The following PIP5K1C variants were observed in gnomAD, a reference collection of about 807,000 sequenced individuals.
PIP5K1C encodes the protein phosphatidylinositol 4-phosphate 5-kinase type-1 gamma.
PIP5K1C carries 45 observed loss-of-function variants against 80.1 expected under a neutral mutation model. The ratio of observed to expected loss-of-function variants is 0.56; its 90% CI spans 0.44 to 0.72. The LOEUF is 0.72. PIP5K1C is among the 30% of genes least tolerant of loss of function. PIP5K1C has a pLI of 0.00. For missense variants in PIP5K1C, 753 were observed against 954.6 expected (o/e 0.79, Z 2.78); for synonymous variants, 498 against 420.1 (o/e 1.19, Z -2.27).
At chr19:3,671,835 A>AG (rs879407966) in intron 1 of PIP5K1C, among the ~76,000 whole-genome samples, 5 of 152,204 alleles carry the variant, frequency 3.3e-5, no homozygotes, top group Non-Finnish European at 7.4e-5. Flanking sequence ...TGACCCCCAT[A>AG]GGGGGCTGTC....
rs754268073 is a variant in PIP5K1C at position 3,643,260 on chromosome 19, C to T, written c.1632G>A (p.Ser544=). ...TCGCCCACCTGTACCGCGGCTGCTC[C>T]GACGTCTCCGAGGGGGACCGCTCAG... ...SIPERSPSET[S]EQPRYRRRTQ... Residue 544 remains serine, a synonymous_variant, in exon 13 of 18, where the codon TCG becomes TCA. Coordinates refer to ENST00000335312, the MANE Select transcript of PIP5K1C (RefSeq NM_012398.3). 1.6e-5 allele frequency: 26 copies of T among 1,613,630 alleles called. No homozygotes were observed. Among genetic ancestry groups the T allele is most frequent in the East Asian group, 2.2e-5 (1 of 44,896 alleles).
intron 3 of PIP5K1C, among the ~76,000 whole-genome samples, chr19:3,662,529 C>T (rs1174725782): frequency 6.6e-6 from 1 of 152,128 alleles, no homozygotes; most frequent in Admixed American, 6.5e-5. Flanking sequence ...ATGGTTCTGG[C>T]CCTCTTGCGG....
At chr19:3,664,182 G>A (rs1002049422) in intron 3 of PIP5K1C, among the ~76,000 whole-genome samples, 3 of 152,220 alleles carry the variant, frequency 2.0e-5, no homozygotes, top group South Asian at 2.1e-4. Flanking sequence ...ATCCACAGAC[G>A]CAGGAAAGGG....
intron 9 of PIP5K1C, 28 bp from the exon 10 acceptor site, chr19:3,647,414 C>A: frequency 6.4e-7 from 1 of 1,565,102 alleles, no homozygotes; most frequent in Non-Finnish European, 8.7e-7. Flanking sequence ...GGAGTGGCAG[C>A]TGACATCAGC....
intron 5 of PIP5K1C, 28 bp from the exon 6 acceptor site, chr19:3,656,585 G>A: frequency 1.2e-6 from 2 of 1,612,076 alleles, no homozygotes; most frequent in African/African-American, 2.7e-5. Flanking sequence ...GGGTCAGCGG[G>A]CCCCAAGCTG....
chr19:3,686,143 G>A (rs758878743), intron 1 of PIP5K1C, among the ~76,000 whole-genome samples: 1 of 152,166 alleles, frequency 6.6e-6, no homozygotes. Flanking sequence ...GTGAGCCACC[G>A]TACTTAGACT....
intron 6 of PIP5K1C, among the ~76,000 whole-genome samples, chr19:3,655,895 T>G (rs1361695839): frequency 6.6e-6 from 1 of 152,212 alleles, no homozygotes; most frequent in Non-Finnish European, 1.5e-5. Context: ...TCCCGGGGCC[T>G]GACGCACCCT....
chr19:3,669,409 G>T (rs566760191), intron 1 of PIP5K1C, among the ~76,000 whole-genome samples: 2 of 152,240 alleles, frequency 1.3e-5, no homozygotes, highest in African/African-American at 2.4e-5. Flanking sequence ...TCAGGGAGGT[G>T]CAGACAGGTG....
intron 1 of PIP5K1C, among the ~76,000 whole-genome samples, chr19:3,690,869 G>A (rs1272597564): frequency 1.3e-5 from 2 of 152,208 alleles, no homozygotes; most frequent in East Asian, 1.9e-4. Flanking sequence ...AGAAGGAACT[G>A]TGCAAGGAAA....
At chr19:3,655,983 G>A (rs1048888290) in intron 6 of PIP5K1C, among the ~76,000 whole-genome samples, 1 of 152,210 alleles carries the variant, frequency 6.6e-6, no homozygotes, top group Non-Finnish European at 1.5e-5. Flanking sequence ...TCTTTTGTGG[G>A]GTACCATCTG....
At chr19:3,684,168 A>G (rs2035680757) in intron 1 of PIP5K1C, among the ~76,000 whole-genome samples, 1 of 152,158 alleles carries the variant, frequency 6.6e-6, no homozygotes, top group South Asian at 2.1e-4. Context: ...ACGGAACGAT[A>G]AGAAGAGCCT....
chr19:3,634,872 G>A (rs1176251739), intron 16 of PIP5K1C, among the ~76,000 whole-genome samples: 3 of 152,252 alleles, frequency 2.0e-5, no homozygotes, highest in Non-Finnish European at 4.4e-5. Flanking sequence ...CCTGCCCTGC[G>A]AGGCCGCATC....
At chr19:3,680,240 G>A (rs1362863938) in intron 1 of PIP5K1C, among the ~76,000 whole-genome samples, 1 of 152,184 alleles carries the variant, frequency 6.6e-6, no homozygotes, top group Non-Finnish European at 1.5e-5. Context: ...AAATCAGCAA[G>A]CATCTCTTGG....
chr19:3,688,207 C>T lies in PIP5K1C; in HGVS notation c.94+12090G>A, dbSNP rs557190669. ...CCGTCTCCAGCACAGCAGAGGTGGA[C>T]GCCCCTCGCGGCTGGCTCCCCAGCG... On this transcript the variant is annotated intron_variant, in intron 1 of 17. Transcript: ENST00000335312. This position sits in a 1 kb window ranked among gnomAD's most constrained non-coding sequence, Gnocchi z 5.3. Among the ~76,000 whole-genome samples the T allele has an allele frequency of 3.9e-5, 6 of 152,336 alleles. No individual in the cohort carries two copies. Among genetic ancestry groups the T allele is most frequent in the East Asian group, 1.9e-4 (1 of 5,176 alleles).
At chr19:3,672,099 C>G (rs1487488315) in intron 1 of PIP5K1C, among the ~76,000 whole-genome samples, 1 of 152,180 alleles carries the variant, frequency 6.6e-6, no homozygotes, top group African/African-American at 2.4e-5. Context: ...CGGCTCTGAT[C>G]GCTGGCTGCA....
intron 1 of PIP5K1C, among the ~76,000 whole-genome samples, chr19:3,691,914 G>A (rs1414284867): frequency 6.6e-6 from 1 of 152,164 alleles, no homozygotes; most frequent in East Asian, 1.9e-4. Context: ...GCCAAGCCAG[G>A]CTGGCTCATA....
intron 1 of PIP5K1C, among the ~76,000 whole-genome samples, chr19:3,697,254 C>T (rs999689614): frequency 6.9e-6 from 1 of 145,014 alleles, no homozygotes. Flanking sequence ...CCCGGGAGGA[C>T]CGAGCCAGAT....
At position 3,638,869 on chromosome 19, in the gene PIP5K1C, G is replaced by A. The variant is rs774268256; in HGVS notation, c.1920+15C>T. ...GGTTGACGAGCCGGCGGCAGGAGGA[G>A]CCCGGGGCACTTACAAAGTAGATGT... On this transcript the variant is annotated intron_variant, in intron 16 of 17. Coordinates refer to ENST00000335312, the MANE Select transcript of PIP5K1C (RefSeq NM_012398.3). The A allele has an allele frequency of 1.9e-6, 3 of 1,613,008 alleles. No homozygotes were observed. Among genetic ancestry groups the A allele is most frequent in the Admixed American group, 1.7e-5 (1 of 60,024 alleles).
rs1213997927 is a variant in PIP5K1C at position 3,637,112 on chromosome 19, T to C, written c.1920+1772A>G. On this transcript the variant is annotated intron_variant, in intron 16 of 17. Transcript: ENST00000335312. This position sits in a 1 kb window ranked among gnomAD's most constrained non-coding sequence, Gnocchi z 7.0. ...GAGCCCGGCCCTGCAGCCACTCTGC[T>C]GACCTGTGCAACCTCCCCTGTGCAG... 2.2e-5 allele frequency: 29 copies of C among 1,345,574 alleles called. No individual in the cohort carries two copies. Among genetic ancestry groups the C allele is most frequent in the Non-Finnish European group, 2.8e-5 (29 of 1,044,986 alleles). 83.4% of individuals were successfully genotyped at this position (1,345,574 alleles called of 1,614,324 possible). A position where few individuals can be genotyped will look rare whatever the true frequency, so the allele number is the denominator to read the frequency against.
Sources: allele counts gnomAD v4.1 joint callset (sites outside exome capture counted in the v4.1 genomes callset), GRCh38; gene constraint gnomAD v4.1.1; non-coding constraint Gnocchi (gnomAD v3.1); transcripts MANE v1.5; gene names NCBI Gene and HGNC (gene_info 2026-07-23, HGNC 2026-07-21).